Variants in TTC33 observed in about 807,000 individuals in gnomAD.
TTC33 encodes the protein tetratricopeptide repeat protein 33.
Under a neutral mutation model 29.4 loss-of-function variants are expected in TTC33, and 24 were observed. That is an observed-to-expected ratio of 0.82 (90% CI 0.59 to 1.15). The LOEUF is 1.15. Among genes scored for constraint, TTC33 ranks in the 50% most tolerant of loss-of-function variants. TTC33 has a pLI of 0.00. For synonymous variants in TTC33, 107 were observed against 100.3 expected (o/e 1.07, Z -0.40); for missense variants, 286 against 310.4 (o/e 0.92, Z 0.59).
intron 2 of TTC33, among the ~76,000 whole-genome samples, chr5:40,733,099 TC>T (rs1332547016): frequency 6.6e-6 from 1 of 152,162 alleles, no homozygotes; most frequent in Non-Finnish European, 1.5e-5. Flanking sequence ...CTTACTTTGT[TC>T]CGTTCATTAT....
chr5:40,729,983 G>A (rs533560359), intron 3 of TTC33, among the ~76,000 whole-genome samples: 1 of 152,328 alleles, frequency 6.6e-6, no homozygotes, highest in African/African-American at 2.4e-5. Context: ...ACAGACGTGA[G>A]CCATGGCACC....
intron 2 of TTC33, among the ~76,000 whole-genome samples, chr5:40,736,319 G>T (rs1481628883): frequency 6.6e-6 from 1 of 152,162 alleles, no homozygotes; most frequent in African/African-American, 2.4e-5. Flanking sequence ...CAGAATGTGG[G>T]TCACACAGCA....
At chr5:40,749,419 G>T (rs1361795063) in intron 1 of TTC33, among the ~76,000 whole-genome samples, 1 of 151,936 alleles carries the variant, frequency 6.6e-6, no homozygotes, top group Non-Finnish European at 1.5e-5. Flanking sequence ...AGGAGATTTT[G>T]ATCAAATGAT....
At chr5:40,716,715 G>C (rs921254096) in intron 4 of TTC33, among the ~76,000 whole-genome samples, 1 of 152,038 alleles carries the variant, frequency 6.6e-6, no homozygotes, top group East Asian at 1.9e-4. Context: ...ATATGCTTAT[G>C]GACTAAAAGC....
chr5:40,731,642 C>T (rs1463914840), intron 2 of TTC33, among the ~76,000 whole-genome samples: 1 of 152,206 alleles, frequency 6.6e-6, no homozygotes, highest in East Asian at 1.9e-4. Context: ...ATGGCAGAAA[C>T]TGCCGCCATA....
rs1271249699 is a variant in TTC33, at chr5:40,712,246, C to G, written c.*3899G>C. ...CTGTTGCCTTGTAATTAACACTACT[C>G]AATTTCAATAGAATTTCCATTATTT... On this transcript the variant is annotated 3_prime_UTR_variant, in exon 5 of 5. Transcript: ENST00000337702. Among the ~76,000 whole-genome samples, 1 of 151,958 alleles carries G rather than the reference C, an allele frequency of 6.6e-6. No individual in the cohort carries two copies. The highest frequency in any genetic ancestry group is 1.5e-5 in the Non-Finnish European group (1 of 67,998).
chr5:40,749,650 T>G (rs1644380538), intron 1 of TTC33, among the ~76,000 whole-genome samples: 1 of 152,206 alleles, frequency 6.6e-6, no homozygotes, highest in Non-Finnish European at 1.5e-5. Flanking sequence ...TCAGAGTTGT[T>G]GCACGGTCAG....
chr5:40,742,198 C>A (rs1742708865), intron 2 of TTC33, among the ~76,000 whole-genome samples: 1 of 151,966 alleles, frequency 6.6e-6, no homozygotes, highest in South Asian at 2.1e-4. Context: ...AAATCCATGC[C>A]TACTTTTTAA....
intron 2 of TTC33, among the ~76,000 whole-genome samples, chr5:40,735,819 G>A (rs1742537190): frequency 6.6e-6 from 1 of 152,192 alleles, no homozygotes; most frequent in South Asian, 2.1e-4. Context: ...AATGACAACA[G>A]AGAAGTGATG....
chr5:40,754,233 C>CT (rs1561157452), intron 1 of TTC33, among the ~76,000 whole-genome samples: 1 of 152,170 alleles, frequency 6.6e-6, no homozygotes, highest in Non-Finnish European at 1.5e-5. Flanking sequence ...TCAGGACAGA[C>CT]TGAGGTTATG....
rs1322392115 is a variant in TTC33, at chr5:40,713,102, G to GA, written c.*3042dup. 2.6e-5 allele frequency among the ~76,000 whole-genome samples: 4 copies of GA among 151,642 alleles called. No homozygotes were observed. The highest frequency in any genetic ancestry group is 2.1e-4 in the South Asian group (1 of 4,810). ...CAGTTTAATAATAATCTCTAAGGAA[G>GA]AAAAAAACACATTTAAGATATCCAT... On this transcript the variant is annotated 3_prime_UTR_variant, in exon 5 of 5. Coordinates refer to ENST00000337702, the MANE Select transcript of TTC33 (RefSeq NM_012382.3).
rs1561139764 is a variant in TTC33 at position 40,712,426 on chromosome 5, GAC to G, written c.*3717_*3718del. Among the ~76,000 whole-genome samples the G allele has an allele frequency of 6.6e-6, 1 of 152,134 alleles. No homozygotes were observed. The highest frequency in any genetic ancestry group is 2.4e-5 in the African/African-American group (1 of 41,442). ...CTCTCCTGACCTCTGAACCACTTGA[GAC>G]ACAGACAGATGGAGATTCAATATTT... On this transcript the variant is annotated 3_prime_UTR_variant, in exon 5 of 5. Coordinates refer to ENST00000337702, the MANE Select transcript of TTC33 (RefSeq NM_012382.3).
In TTC33 at chr5:40,713,672, A is replaced by C. The variant is rs371053812; in HGVS notation, c.*2473T>G. 1.3e-5 allele frequency among the ~76,000 whole-genome samples: 2 copies of C among 152,218 alleles called. No individual in the cohort carries two copies. The highest frequency in any genetic ancestry group is 4.1e-4 in the South Asian group (2 of 4,834). ...GTCTGGATGTCTAGACACTCTGACT[A>C]ATGAGTGTCTATGCCATACAATTCT... On this transcript the variant is annotated 3_prime_UTR_variant, in exon 5 of 5. Coordinates refer to ENST00000337702, the MANE Select transcript of TTC33 (RefSeq NM_012382.3).
intron 3 of TTC33, among the ~76,000 whole-genome samples, 159 bp from the exon 4 acceptor site, chr5:40,728,635 T>C (rs763625547): frequency 1.3e-4 from 20 of 152,306 alleles, no homozygotes; most frequent in African/African-American, 2.4e-4. Flanking sequence ...TAAGAAATTA[T>C]AGTTCTCTTT....
intron 4 of TTC33, among the ~76,000 whole-genome samples, chr5:40,716,848 A>C (rs1742011801): frequency 6.6e-6 from 1 of 152,242 alleles, no homozygotes; most frequent in South Asian, 2.1e-4. Context: ...CAAAGGTACC[A>C]GGAGTGGATA....
intron 4 of TTC33, among the ~76,000 whole-genome samples, chr5:40,720,371 T>C (rs1561143161): frequency 1.3e-5 from 2 of 152,232 alleles, no homozygotes; most frequent in Non-Finnish European, 2.9e-5. Context: ...GGTTTATTTC[T>C]GTACTTTCAG....
intron 4 of TTC33, among the ~76,000 whole-genome samples, chr5:40,723,448 A>T (rs188468818): frequency 8.7e-4 from 132 of 152,212 alleles, no homozygotes; most frequent in East Asian, 3.3e-3. Flanking sequence ...AAAAAAATTT[A>T]AAAAAATTTC....
At chr5:40,727,983 AAAAATATGTC>A (rs1742330137) in intron 4 of TTC33, among the ~76,000 whole-genome samples, 1 of 152,102 alleles carries the variant, frequency 6.6e-6, no homozygotes, top group Non-Finnish European at 1.5e-5. Context: ...TCAGTTAATC[AAAAATATGTC>A]AAAATAGACT....
At chr5:40,742,147 T>G (rs1247493637) in intron 2 of TTC33, among the ~76,000 whole-genome samples, 3 of 152,072 alleles carry the variant, frequency 2.0e-5, no homozygotes, top group Non-Finnish European at 4.4e-5. Flanking sequence ...TTTGGGGCCA[T>G]CCAGGTCTAG....
Sources: allele counts gnomAD v4.1 joint callset (sites outside exome capture counted in the v4.1 genomes callset), GRCh38; gene constraint gnomAD v4.1.1; transcripts MANE v1.5; gene names NCBI Gene and HGNC (gene_info 2026-07-23, HGNC 2026-07-21).